Variants in CHODL observed in about 807,000 individuals in gnomAD.
CHODL encodes the protein transmembrane protein MT75.
CHODL carries 29 observed loss-of-function variants against 34.5 expected under a neutral mutation model. That is an observed-to-expected ratio of 0.84 (90% CI 0.63 to 1.15). The LOEUF (loss-of-function observed/expected upper bound fraction) is 1.15, where lower values mean the gene tolerates loss of function less well. CHODL is among the 50% of genes most tolerant of loss of function. The probability of loss-of-function intolerance (pLI) is 0.00; values close to 1 mark genes in which losing one functional copy is unlikely to be tolerated. For synonymous variants in CHODL, 125 were observed against 116.1 expected (o/e 1.08, Z -0.49); for missense variants, 332 against 332.5 (o/e 1.00, Z 0.01).
intron 2 of CHODL, among the ~76,000 whole-genome samples, chr21:18,103,798 C>A (rs1036084609): frequency 1.3e-5 from 2 of 152,174 alleles, no homozygotes; most frequent in African/African-American, 4.8e-5. Context: ...GCAGGAGTAG[C>A]AATGCTTTGT....
At chr21:18,087,601 C>T (rs1199766600) in intron 2 of CHODL, among the ~76,000 whole-genome samples, 1 of 152,056 alleles carries the variant, frequency 6.6e-6, no homozygotes, top group Middle Eastern at 3.2e-3. Context: ...GAGCTGCAGA[C>T]ATGTCAGCTT....
chr21:18,164,601 C>T (rs2073131539), intron 2 of CHODL, among the ~76,000 whole-genome samples: 1 of 152,162 alleles, frequency 6.6e-6, no homozygotes, highest in African/African-American at 2.4e-5. Flanking sequence ...ATGAGTATAA[C>T]ACCTACATCA....
rs118081892 is a variant in CHODL, at chr21:18,021,533, C to T, written c.-144-6339C>T. 6.1e-3 allele frequency among the ~76,000 whole-genome samples: 936 copies of T among 152,256 alleles called. 6 individuals are homozygous for T. The highest frequency in any genetic ancestry group is 9.1e-3 in the Non-Finnish European group (619 of 68,018). The stretch of plus-strand genomic sequence containing the variant: ...TAGTTCACCTTAGCTCAAAGGACTT[C>T]AGATTCTGGATTGTATGTTAATAAA... On this transcript the variant is annotated intron_variant, in intron 1 of 6. Transcript: ENST00000400127.
At chr21:17,969,248 A>G (rs1316437795) in intron 1 of CHODL, among the ~76,000 whole-genome samples, 2 of 152,216 alleles carry the variant, frequency 1.3e-5, no homozygotes, top group African/African-American at 4.8e-5. Flanking sequence ...AATTATAGCC[A>G]TATGGCATTT....
chr21:18,023,346 C>T (rs1311680929), intron 1 of CHODL, among the ~76,000 whole-genome samples: 1 of 152,106 alleles, frequency 6.6e-6, no homozygotes, highest in Non-Finnish European at 1.5e-5. Context: ...ATGAGCCAGA[C>T]TGAGAGGGAT....
intron 3 of CHODL, 84 bp downstream of exon 3, chr21:18,257,211 G>T: frequency 1.6e-6 from 2 of 1,284,934 alleles, no homozygotes; most frequent in Non-Finnish European, 2.1e-6. Context: ...ACTACCTGTG[G>T]CTCTTTTTGT....
At chr21:17,948,077 C>T (rs2063426580) in intron 1 of CHODL, among the ~76,000 whole-genome samples, 1 of 152,070 alleles carries the variant, frequency 6.6e-6, no homozygotes, top group African/African-American at 2.4e-5. Context: ...CATCTTCTCA[C>T]TTATAAGTAG....
chr21:18,002,213 CAAGTT>C (rs1489348933), intron 1 of CHODL, among the ~76,000 whole-genome samples: 2 of 152,178 alleles, frequency 1.3e-5, no homozygotes, highest in Non-Finnish European at 2.9e-5. Flanking sequence ...ATGGACATGT[CAAGTT>C]ATGTGAATTA....
In CHODL at chr21:18,223,823, A is replaced by ATCTCCTC. The variant is rs1347632182; in HGVS notation, c.-44-32686_-44-32685insTCTCCTC. Among the ~76,000 whole-genome samples, 105 of 152,336 alleles carry ATCTCCTC rather than the reference A, an allele frequency of 6.9e-4. No homozygotes were observed. In the Middle Eastern group the frequency reaches 0.024, roughly 35 times the overall value. The stretch of plus-strand genomic sequence containing the variant: ...GTTACTCGAACCAACGTTGACTAAT[A>ATCTCCTC]CAAGAAGGCAGGGAATGATCTCCTC... On this transcript the variant is annotated intron_variant, in intron 2 of 6. Coordinates refer to the CHODL transcript ENST00000400127.
At chr21:18,062,491 C>T (rs971530529) in intron 2 of CHODL, among the ~76,000 whole-genome samples, 9 of 151,934 alleles carry the variant, frequency 5.9e-5, no homozygotes, top group East Asian at 5.9e-4. Context: ...CATTGAGGGG[C>T]GTGGTGGCTC....
chr21:18,234,603 A>T (rs1480910076), intron 2 of CHODL, among the ~76,000 whole-genome samples: 1 of 152,116 alleles, frequency 6.6e-6, no homozygotes, highest in Non-Finnish European at 1.5e-5. Flanking sequence ...GGAGGCAGGG[A>T]ACAATCCACC....
rs566333426 is a variant in CHODL at position 17,930,094 on chromosome 21, C to A, written c.-145+12694C>A. Among the ~76,000 whole-genome samples, 595 of 149,280 alleles carry A rather than the reference C, an allele frequency of 4.0e-3. 5 individuals are homozygous for A. Among genetic ancestry groups the A allele is most frequent in the African/African-American group, 0.014 (559 of 40,446 alleles). Reference sequence around the variant, plus strand: ...CCTGCTGCTGTTGCTGCAACTGCCACCACCACTGCCAGGCCAAGGAGGGAG... The same window carrying A: ...CCTGCTGCTGTTGCTGCAACTGCCAACACCACTGCCAGGCCAAGGAGGGAG... On this transcript the variant is annotated intron_variant, in intron 1 of 6. Coordinates refer to the CHODL transcript ENST00000400127.
At chr21:18,111,939 A>G (rs918038614) in intron 2 of CHODL, among the ~76,000 whole-genome samples, 4 of 152,192 alleles carry the variant, frequency 2.6e-5, no homozygotes, top group Admixed American at 6.5e-5. Context: ...GGTCTCTCCT[A>G]TCAGTGCTTC....
intron 1 of CHODL, among the ~76,000 whole-genome samples, chr21:18,000,480 G>A (rs776538189): frequency 1.6e-4 from 25 of 152,130 alleles, no homozygotes; most frequent in Admixed American, 3.9e-4. Context: ...CTTTGATGAC[G>A]ATAAGTTGCT....
At chr21:18,112,329 C>T (rs189906227) in intron 2 of CHODL, among the ~76,000 whole-genome samples, 31 of 152,076 alleles carry the variant, frequency 2.0e-4, no homozygotes, top group Non-Finnish European at 3.8e-4. Flanking sequence ...GTTAAAATAT[C>T]TATACTACTC....
intron 2 of CHODL, among the ~76,000 whole-genome samples, chr21:18,032,276 T>G (rs1354234301): frequency 1.3e-5 from 2 of 152,098 alleles, no homozygotes; most frequent in Non-Finnish European, 2.9e-5. Context: ...TAGCTGTATT[T>G]ATCCGTTATT....
rs1167892068 is a variant in CHODL, at chr21:18,260,391, C to T, written c.634+105C>T. 3 of 688,434 alleles carry T rather than the reference C, an allele frequency of 4.4e-6. No homozygotes were observed. The East Asian group carries it at 9.4e-5, about 21-fold the overall frequency. 42.6% of individuals were successfully genotyped at this position (688,434 alleles called of 1,614,324 possible). The stretch of plus-strand genomic sequence containing the variant: ...ACTTGTCTTGCCTGGGGAAGTGGTT[C>T]ACTAAGTATGGTCCTATGGACATTT... On this transcript the variant is annotated intron_variant, in intron 4 of 5. Coordinates refer to ENST00000299295, the MANE Select transcript of CHODL (RefSeq NM_024944.3).
chr21:18,197,522 G>A (rs985874773), intron 2 of CHODL, among the ~76,000 whole-genome samples: 38 of 152,128 alleles, frequency 2.5e-4, no homozygotes, highest in African/African-American at 9.2e-4. Flanking sequence ...AGGCTGCAGT[G>A]GGAGAATTGC....
chr21:18,190,725 G>C (rs2073501153), intron 2 of CHODL, among the ~76,000 whole-genome samples: 1 of 152,098 alleles, frequency 6.6e-6, no homozygotes, highest in South Asian at 2.1e-4. Flanking sequence ...ATCACGTAAG[G>C]CTGAAGAGAT....
Sources: gnomAD v4.1 joint callset for allele counts (sites outside exome capture counted in the v4.1 genomes callset) on GRCh38, gnomAD v4.1.1 for gene constraint, MANE v1.5 for transcripts, NCBI Gene and HGNC (gene_info 2026-07-23, HGNC 2026-07-21) for gene names.